EHD2: variants seen among roughly 807,000 people sequenced by gnomAD.
EHD2 encodes the protein EH domain-containing protein 2.
Under a neutral mutation model 41.0 loss-of-function variants are expected in EHD2, and 27 were observed. The observed-to-expected ratio is 0.66, with a 90% CI of 0.49 to 0.91. The LOEUF is 0.91. Among genes scored for constraint, EHD2 ranks in the 40% least tolerant of loss-of-function variants. The probability of loss-of-function intolerance (pLI) is 0.00; values close to 1 mark genes in which losing one functional copy is unlikely to be tolerated. For missense variants in EHD2, 673 were observed against 773.9 expected (o/e 0.87, Z 1.55); for synonymous variants, 342 against 341.0 (o/e 1.00, Z -0.03).
intron 3 of EHD2, among the ~76,000 whole-genome samples, chr19:47,725,077 G>C (rs143843285): frequency 6.6e-6 from 1 of 151,198 alleles, no homozygotes; most frequent in African/African-American, 2.4e-5. Context: ...TTGCTGGATC[G>C]TGGGGAGATA....
Position 47,725,835 on chromosome 19 carries a change from C to T in EHD2, c.526C>T (p.Arg176Cys). Reference protein sequence around the residue: ...SRGYDFPAVLRWFAERVDLII... With the variant: ...SRGYDFPAVLCWFAERVDLII... Reference sequence around the variant, plus strand: ...AGGCTACGACTTCCCGGCCGTGCTGCGCTGGTTCGCGGAGCGCGTGGACCT... The same window carrying T: ...AGGCTACGACTTCCCGGCCGTGCTGTGCTGGTTCGCGGAGCGCGTGGACCT... The change falls in exon 4 of 6, where the codon CGC becomes TGC. Residue 176 changes from arginine to cysteine, a missense_variant. Arg to Cys is a radical substitution (Grantham distance 180). Coordinates refer to ENST00000263277, the MANE Select transcript of EHD2 (RefSeq NM_014601.4). 2 of 1,595,054 alleles carry T rather than the reference C, an allele frequency of 1.3e-6. No individual in the cohort carries two copies. Among genetic ancestry groups the T allele is most frequent in the Non-Finnish European group, 1.7e-6 (2 of 1,165,788 alleles).
At chr19:47,725,442 G>C (rs1021914846) in intron 3 of EHD2, among the ~76,000 whole-genome samples, 2 of 150,732 alleles carry the variant, frequency 1.3e-5, no homozygotes, top group Admixed American at 6.6e-5. Flanking sequence ...GGTGATGCGC[G>C]CCTGCAGTCC....
At chr19:47,727,121 T>C (rs138717140) in intron 4 of EHD2, among the ~76,000 whole-genome samples, 1,694 of 152,282 alleles carry the variant, frequency 0.011, 32 homozygotes, top group African/African-American at 0.039. Context: ...TTTCTTTTTT[T>C]GAGACGGAGT....
intron 2 of EHD2, 84 bp downstream of exon 2, chr19:47,717,100 T>G (rs972430523): frequency 6.5e-7 from 1 of 1,546,334 alleles, no homozygotes; most frequent in Non-Finnish European, 8.7e-7. Context: ...CAGGCTGGAG[T>G]GCAGTGGTGC....
Position 47,719,375 on chromosome 19 carries a change from T to C in EHD2, c.502+769T>C, listed in dbSNP as rs1043393737. On this transcript the variant is annotated intron_variant, in intron 3 of 5. Coordinates refer to ENST00000263277, the MANE Select transcript of EHD2 (RefSeq NM_014601.4). The surrounding 1 kb of genome is among the most constrained non-coding windows in gnomAD (Gnocchi z 4.1). ...CCGAGAAGGGGATGGGAAGGGAATC[T>C]GGGTGGGGGCCAAGGCCAGGCCTGG... 3.3e-5 allele frequency among the ~76,000 whole-genome samples: 5 copies of C among 150,890 alleles called. No individual in the cohort carries two copies. The highest frequency in any genetic ancestry group is 3.3e-4 in the Admixed American group (5 of 15,172).
chr19:47,715,080 A>AATAAAAAG (rs1446010097), intron 1 of EHD2, among the ~76,000 whole-genome samples: 3 of 147,054 alleles, frequency 2.0e-5, no homozygotes, highest in South Asian at 2.1e-4. Context: ...TAAATAAATA[A>AATAAAAAG]AAAGAAAGAA....
At chr19:47,724,629 G>T (rs1444411359) in intron 3 of EHD2, among the ~76,000 whole-genome samples, 3 of 152,156 alleles carry the variant, frequency 2.0e-5, no homozygotes, top group Non-Finnish European at 4.4e-5. Context: ...GAATGAATGA[G>T]CATGGGAACC....
At chr19:47,734,425 C>T (rs1966900862) in intron 4 of EHD2, among the ~76,000 whole-genome samples, 1 of 152,040 alleles carries the variant, frequency 6.6e-6, no homozygotes. Flanking sequence ...GATGTGGCTA[C>T]TTAACAGGAG....
At chr19:47,722,783 G>C (rs923554248) in intron 3 of EHD2, among the ~76,000 whole-genome samples, 1 of 152,030 alleles carries the variant, frequency 6.6e-6, no homozygotes, top group African/African-American at 2.4e-5. Context: ...GGTCAGGCTG[G>C]TCTCGAACTC....
intron 4 of EHD2, among the ~76,000 whole-genome samples, chr19:47,727,187 C>A (rs1263572037): frequency 6.6e-6 from 1 of 152,080 alleles, no homozygotes; most frequent in Non-Finnish European, 1.5e-5. Flanking sequence ...TCACCACAAC[C>A]TCCGCCTCCT....
intron 4 of EHD2, chr19:47,731,287 T>TATATATGTATATATATATATATATATAC (rs1973810055): frequency 1.2e-5 from 1 of 81,084 alleles, no homozygotes; most frequent in Non-Finnish European, 3.0e-5. Flanking sequence ...AAAATATATA[T>TATATATGTATATATATATATATATATAC]ATATATATAT....
intron 5 of EHD2, among the ~76,000 whole-genome samples, chr19:47,739,199 T>C (rs1251355867): frequency 6.6e-6 from 1 of 151,218 alleles, no homozygotes. Flanking sequence ...TCTCCTGGGG[T>C]TCAAGAGATT....
At chr19:47,727,413 A>G (rs955083580) in intron 4 of EHD2, among the ~76,000 whole-genome samples, 4 of 152,120 alleles carry the variant, frequency 2.6e-5, no homozygotes, top group Non-Finnish European at 5.9e-5. Flanking sequence ...TATTTCTGGA[A>G]TGCTTTCTGT....
At chr19:47,724,512 C>G (rs1483835871) in intron 3 of EHD2, among the ~76,000 whole-genome samples, 2 of 152,178 alleles carry the variant, frequency 1.3e-5, no homozygotes, top group Non-Finnish European at 2.9e-5. Flanking sequence ...TCAATCGCTT[C>G]TCTCTGCTCT....
chr19:47,736,885 A>G (rs1250759543), intron 5 of EHD2, among the ~76,000 whole-genome samples: 1 of 152,134 alleles, frequency 6.6e-6, no homozygotes, highest in Non-Finnish European at 1.5e-5. Context: ...ACTTCATGGT[A>G]CAAAAGGGCT....
At chr19:47,721,933 C>T (rs1026644377) in intron 3 of EHD2, among the ~76,000 whole-genome samples, 6 of 151,278 alleles carry the variant, frequency 4.0e-5, no homozygotes, top group East Asian at 2.0e-4. Context: ...TGCAGTGAGC[C>T]GAGCTCATGA....
intron 4 of EHD2, among the ~76,000 whole-genome samples, chr19:47,735,177 G>C (rs1013575553): frequency 1.3e-5 from 2 of 152,236 alleles, no homozygotes; most frequent in African/African-American, 4.8e-5. Context: ...TGAGGGCTAG[G>C]CTCAAATTCC....
chr19:47,723,324 T>TA lies in EHD2; in HGVS notation c.503-2481dup, dbSNP rs979116254. On this transcript the variant is annotated intron_variant, in intron 3 of 5. Transcript: ENST00000263277. ...CTTACCGTACATCCAGCACTGTTTT[T>TA]AAAAAAACAGTTTCATTGAGGATTA... Among the ~76,000 whole-genome samples the TA allele has an allele frequency of 1.4e-4, 21 of 152,084 alleles. 1 individual carries two copies. The highest frequency in any genetic ancestry group is 2.2e-4 in the African/African-American group (9 of 41,426).
chr19:47,728,714 G>A (rs1196532437), intron 4 of EHD2, among the ~76,000 whole-genome samples: 3 of 151,974 alleles, frequency 2.0e-5, no homozygotes, highest in Admixed American at 1.3e-4. Flanking sequence ...GGTTACAGGC[G>A]TGTGCCACCA....
Sources: gnomAD v4.1 joint callset for allele counts (sites outside exome capture counted in the v4.1 genomes callset) on GRCh38, gnomAD v4.1.1 for gene constraint, Gnocchi (gnomAD v3.1) non-coding constraint, MANE v1.5 for transcripts, NCBI Gene and HGNC (gene_info 2026-07-23, HGNC 2026-07-21) for gene names.